STX7: variants seen among roughly 807,000 people sequenced by gnomAD.
STX7 encodes syntaxin-7.
Under a neutral mutation model 39.6 loss-of-function variants are expected in STX7, and 34 were observed. The observed-to-expected ratio is 0.86, with a 90% CI of 0.65 to 1.14. The LOEUF is 1.14. Ranked by LOEUF, STX7 falls within the 50% of genes most tolerant of loss-of-function variation. STX7 has a pLI of 0.00. For synonymous variants in STX7, 119 were observed against 99.1 expected (o/e 1.20, Z -1.19); for missense variants, 284 against 310.4 (o/e 0.92, Z 0.64).
In STX7 at chr6:132,453,442, A is replaced by G. The variant is rs1774179095; in HGVS notation, c.*7316T>C. On this transcript the variant is annotated 3_prime_UTR_variant, in exon 10 of 10. Transcript: ENST00000367941. Reference sequence around the variant, plus strand: ...CACTTCTGCTCTGTGAAAGGCCCAGAAAAGAGAAATGAAAAGACATGCTAC... The same window carrying G: ...CACTTCTGCTCTGTGAAAGGCCCAGGAAAGAGAAATGAAAAGACATGCTAC... 2 of 152,046 alleles carry G rather than the reference A, an allele frequency of 1.3e-5. No homozygotes were observed. The highest frequency in any genetic ancestry group is 1.3e-4 in the Admixed American group (2 of 15,266). The allele number at this position is 152,046 out of a possible 1,614,324, so 9.4% of individuals were successfully genotyped here.
intron 2 of STX7, among the ~76,000 whole-genome samples, chr6:132,488,640 T>C (rs1582669033): frequency 1.3e-5 from 2 of 152,210 alleles, no homozygotes; most frequent in Non-Finnish European, 2.9e-5. Context: ...TGAGTGCTAA[T>C]ACTTAATAAT....
Position 132,448,258 on chromosome 6 carries a change from G to A in STX7, c.*12500C>T, listed in dbSNP as rs1774060810. The A allele has an allele frequency of 6.6e-6, 1 of 151,882 alleles. No homozygotes were observed. Among genetic ancestry groups the A allele is most frequent in the African/African-American group, 2.4e-5 (1 of 41,352 alleles). 9.4% of individuals were successfully genotyped at this position (151,882 alleles called of 1,614,324 possible). A position where few individuals can be genotyped will look rare whatever the true frequency, so the allele number is the denominator to read the frequency against. On this transcript the variant is annotated 3_prime_UTR_variant, in exon 10 of 10. Transcript: ENST00000367941. Reference sequence around the variant, plus strand: ...CACAGAGTAAATACTTCTTAATATAGACAGTATTTATTTACATTTCCCATG... The same window carrying A: ...CACAGAGTAAATACTTCTTAATATAAACAGTATTTATTTACATTTCCCATG...
chr6:132,470,847 C>G (rs1582652294), intron 5 of STX7, among the ~76,000 whole-genome samples: 1 of 151,832 alleles, frequency 6.6e-6, no homozygotes, highest in African/African-American at 2.4e-5. Flanking sequence ...ATTTTATATT[C>G]TAAGTAGACA....
At chr6:132,499,887 C>T (rs1468080371) in intron 2 of STX7, among the ~76,000 whole-genome samples, 1 of 152,238 alleles carries the variant, frequency 6.6e-6, no homozygotes, top group Non-Finnish European at 1.5e-5. Flanking sequence ...CTCTCCCCTA[C>T]TTGTCCTGAA....
At position 132,495,153 on chromosome 6, in the gene STX7, T is replaced by C. The variant is rs1775392607; in HGVS notation, c.85+8293A>G. Reference sequence around the variant, plus strand: ...GAGGGATAAAGCTCCTTGAAGCATCTTGGAGCCACATCTTAAAGATTTAGT... The same window carrying C: ...GAGGGATAAAGCTCCTTGAAGCATCCTGGAGCCACATCTTAAAGATTTAGT... On this transcript the variant is annotated intron_variant, in intron 2 of 9. Coordinates refer to ENST00000367941, the MANE Select transcript of STX7 (RefSeq NM_003569.3). Among the ~76,000 whole-genome samples, 3 of 152,170 alleles carry C rather than the reference T, an allele frequency of 2.0e-5. No homozygotes were observed. The South Asian group carries it at 6.2e-4, about 32-fold the overall frequency.
intron 1 of STX7, among the ~76,000 whole-genome samples, chr6:132,509,928 C>A (rs2114491303): frequency 6.6e-6 from 1 of 152,310 alleles, no homozygotes; most frequent in East Asian, 1.9e-4. Context: ...CACTAAAGTA[C>A]TCTTGTTGAA....
chr6:132,460,569 A>T lies in STX7; in HGVS notation c.*189T>A. On this transcript the variant is annotated 3_prime_UTR_variant, in exon 10 of 10. Coordinates refer to ENST00000367941, the MANE Select transcript of STX7 (RefSeq NM_003569.3). ...GTTATGTCAGCAGTGACATTTAGAA[A>T]ATCTTTCAGTATTAGAAAATATCAG... 2.3e-6 allele frequency: 1 copy of T among 426,408 alleles called. No individual in the cohort carries two copies. The highest frequency in any genetic ancestry group is 4.1e-6 in the Non-Finnish European group (1 of 243,632). The allele number at this position is 426,408 out of a possible 1,614,324, so 26.4% of individuals were successfully genotyped here. A position where few individuals can be genotyped will look rare whatever the true frequency, so the allele number is the denominator to read the frequency against.
At chr6:132,484,915 G>A (rs745993646) in intron 2 of STX7, among the ~76,000 whole-genome samples, 3 of 152,166 alleles carry the variant, frequency 2.0e-5, no homozygotes, top group African/African-American at 2.4e-5. Context: ...AATATAGGTA[G>A]GCACCGTGTA....
chr6:132,476,100 T>C (rs1293464454), intron 2 of STX7, among the ~76,000 whole-genome samples: 1 of 152,182 alleles, frequency 6.6e-6, no homozygotes, highest in Admixed American at 6.5e-5. Flanking sequence ...CAATTATCCA[T>C]GTAATAACTG....
rs1371987339 is a variant in STX7, at chr6:132,451,469, AT to A, written c.*9288del. ...CTACAAGTCTATGTCTAATGTAAAT[AT>A]TCTTCAGATATCAAGGGAAAATCAA... is the stretch of plus-strand genomic sequence containing the variant. On this transcript the variant is annotated 3_prime_UTR_variant, in exon 10 of 10. Coordinates refer to ENST00000367941, the MANE Select transcript of STX7 (RefSeq NM_003569.3). 6.6e-6 allele frequency: 1 copy of A among 152,224 alleles called. No individual in the cohort carries two copies. The highest frequency in any genetic ancestry group is 1.9e-4 in the East Asian group (1 of 5,196). 9.4% of individuals were successfully genotyped at this position (152,224 alleles called of 1,614,324 possible). A position where few individuals can be genotyped will look rare whatever the true frequency, so the allele number is the denominator to read the frequency against.
chr6:132,471,990 G>A (rs1390400747), intron 4 of STX7, among the ~76,000 whole-genome samples: 4 of 152,110 alleles, frequency 2.6e-5, no homozygotes, highest in Non-Finnish European at 4.4e-5. Context: ...CATGTTCCAC[G>A]CAGTCAGCCC....
At chr6:132,490,788 G>C (rs1775260760) in intron 2 of STX7, among the ~76,000 whole-genome samples, 2 of 152,140 alleles carry the variant, frequency 1.3e-5, no homozygotes, top group African/African-American at 4.8e-5. Context: ...AACAGATTCA[G>C]GAGGCCATGG....
At chr6:132,472,669 G>A (rs1380239705) in intron 3 of STX7, among the ~76,000 whole-genome samples, 2 of 152,190 alleles carry the variant, frequency 1.3e-5, no homozygotes, top group Non-Finnish European at 2.9e-5. Flanking sequence ...AGGAGAGACT[G>A]TTAGATGTCT....
chr6:132,466,100 C>CG (rs1165887918), intron 8 of STX7, among the ~76,000 whole-genome samples: 1 of 152,208 alleles, frequency 6.6e-6, no homozygotes, highest in Non-Finnish European at 1.5e-5. Flanking sequence ...GTTCTCCTCC[C>CG]ATTCTCTCTT....
At chr6:132,483,576 T>C (rs1215217643) in intron 2 of STX7, among the ~76,000 whole-genome samples, 1 of 152,208 alleles carries the variant, frequency 6.6e-6, no homozygotes, top group African/African-American at 2.4e-5. Flanking sequence ...GCTCTTATAC[T>C]AATTTAGAAA....
At chr6:132,495,507 A>G (rs1775401200) in intron 2 of STX7, among the ~76,000 whole-genome samples, 1 of 152,148 alleles carries the variant, frequency 6.6e-6, no homozygotes, top group Admixed American at 6.5e-5. Flanking sequence ...CCTTTAATAA[A>G]CTGCCTTCCC....
chr6:132,481,686 G>GGAA (rs756885335), intron 2 of STX7, among the ~76,000 whole-genome samples: 2 of 152,018 alleles, frequency 1.3e-5, no homozygotes, highest in Non-Finnish European at 2.9e-5. Context: ...GAACAGAAAT[G>GGAA]GAAGACAAGG....
chr6:132,500,172 GCAGC>G (rs965100337), intron 2 of STX7, among the ~76,000 whole-genome samples: 9 of 152,112 alleles, frequency 5.9e-5, no homozygotes, highest in African/African-American at 1.7e-4. Context: ...TTTCTAAGCA[GCAGC>G]CAAAGTAATT....
intron 2 of STX7, among the ~76,000 whole-genome samples, chr6:132,492,261 C>T (rs958363300): frequency 3.9e-5 from 6 of 152,172 alleles, no homozygotes; most frequent in East Asian, 1.9e-4. Context: ...ATGTGCTCAA[C>T]GAGGAACTCC....
Sources: gnomAD v4.1 joint callset for allele counts (sites outside exome capture counted in the v4.1 genomes callset) on GRCh38, gnomAD v4.1.1 for gene constraint, MANE v1.5 for transcripts, NCBI Gene and HGNC (gene_info 2026-07-23, HGNC 2026-07-21) for gene names.